Variants in ANO4 observed in about 807,000 individuals in gnomAD.
ANO4 encodes the protein anoctamin 4.
ANO4 carries 69 observed loss-of-function variants against 141.9 expected under a neutral mutation model. The ratio of observed to expected loss-of-function variants is 0.49; its 90% CI spans 0.40 to 0.59. The LOEUF (loss-of-function observed/expected upper bound fraction) is 0.59. Among genes scored for constraint, ANO4 ranks in the 20% least tolerant of loss-of-function variants. The pLI is 0.00. For synonymous variants in ANO4, 350 were observed against 394.3 expected, an observed-to-expected ratio of 0.89 and a Z score of 1.33; for missense variants, 894 against 1,162.2, an observed-to-expected ratio of 0.77 and a Z score of 3.36.
At chr12:100,951,766 G>C (rs937281985) in intron 5 of ANO4, among the ~76,000 whole-genome samples, 8 of 152,180 alleles carry the variant, frequency 5.3e-5, no homozygotes, top group African/African-American at 1.9e-4. Context: ...GTGGATAGCT[G>C]ATTTTCACAG....
chr12:100,982,628 G>A (rs546996357), intron 7 of ANO4, among the ~76,000 whole-genome samples: 2 of 152,298 alleles, frequency 1.3e-5, no homozygotes, highest in East Asian at 3.9e-4. Context: ...GTAAGCACTT[G>A]ATATCCATGA....
intron 8 of ANO4, among the ~76,000 whole-genome samples, chr12:101,012,246 G>T (rs1325530641): frequency 2.0e-5 from 3 of 152,100 alleles, no homozygotes; most frequent in Non-Finnish European, 4.4e-5. Flanking sequence ...CAGTCTGTAG[G>T]GGGAGAGGGG....
At chr12:100,773,778 A>C (rs572576386) in intron 3 of ANO4, among the ~76,000 whole-genome samples, 1 of 152,350 alleles carries the variant, frequency 6.6e-6, no homozygotes, top group Non-Finnish European at 1.5e-5. Flanking sequence ...TGTACACTAT[A>C]ATGAATGATT....
In ANO4 at chr12:100,745,879, A is replaced by G. The variant is rs149149961; in HGVS notation, c.358+5774A>G. 1.3e-3 allele frequency among the ~76,000 whole-genome samples: 197 copies of G among 152,354 alleles called. 3 individuals are homozygous for G. Among genetic ancestry groups the G allele is most frequent in the Middle Eastern group, 6.8e-3 (2 of 294 alleles). On this transcript the variant is annotated intron_variant, in intron 3 of 29. Transcript: ENST00000644049. The stretch of plus-strand genomic sequence containing the variant: ...TGTAAATGTATGGTGAGTCAGCAAA[A>G]ATCAGAAACATCTTAGAAATAACCT...
chr12:100,972,682 T>C (rs956136219), intron 6 of ANO4, among the ~76,000 whole-genome samples: 7 of 152,150 alleles, frequency 4.6e-5, no homozygotes, highest in Middle Eastern at 6.3e-3. Context: ...ATCAATGATA[T>C]AATAAGTGTC....
At chr12:101,105,660 A>G (rs1272540934) in intron 22 of ANO4, among the ~76,000 whole-genome samples, 1 of 152,256 alleles carries the variant, frequency 6.6e-6, no homozygotes, top group Admixed American at 6.5e-5. Context: ...AATTGGGTTT[A>G]GCACACAGAG....
Position 101,016,703 on chromosome 12 carries a change from G to A in ANO4, c.735-3331G>A, listed in dbSNP as rs375307025. 3.0e-4 allele frequency among the ~76,000 whole-genome samples: 45 copies of A among 152,322 alleles called. No homozygotes were observed. In the South Asian group the frequency reaches 9.1e-3, roughly 31 times the overall value. On this transcript the variant is annotated intron_variant, in intron 8 of 27. Transcript: ENST00000392977. ...GCCCTCAAGAAGCTCACCCAAGGAA[G>A]TGGGCCATGTGGGCGGACAGCTTTC...
At chr12:100,981,458 GGAAGA>G (rs1009369934) in intron 7 of ANO4, among the ~76,000 whole-genome samples, 2 of 149,370 alleles carry the variant, frequency 1.3e-5, no homozygotes, top group Non-Finnish European at 3.0e-5. Flanking sequence ...AAGGAAGGAA[GGAAGA>G]AAGGAAGGGA....
chr12:100,832,642 C>A (rs1000536342), intron 1 of ANO4, among the ~76,000 whole-genome samples: 1 of 152,022 alleles, frequency 6.6e-6, no homozygotes, highest in Non-Finnish European at 1.5e-5. Context: ...GCTAATAGTT[C>A]TTTTCTTTGC....
Position 100,926,517 on chromosome 12 carries a change from G to A in ANO4, c.160+4187G>A, listed in dbSNP as rs190610818. ...AAAAATGAAAACGTTTTCAGATCAC[G>A]TCTTGTTTTGGTGTTCAACAGGAAA... is the stretch of plus-strand genomic sequence containing the variant. On this transcript the variant is annotated intron_variant, in intron 3 of 27. Transcript: ENST00000392977. Among the ~76,000 whole-genome samples, 12 of 152,138 alleles carry A rather than the reference G, an allele frequency of 7.9e-5. No individual in the cohort carries two copies. The East Asian group carries it at 2.3e-3, about 29-fold the overall frequency.
chr12:100,855,031 C>T (rs944880869), intron 1 of ANO4, among the ~76,000 whole-genome samples: 2 of 152,050 alleles, frequency 1.3e-5, no homozygotes, highest in Non-Finnish European at 2.9e-5. Context: ...ATGGCCCAAA[C>T]CCCTAAGTTC....
chr12:101,040,097 A>G, intron 11 of ANO4, 21 bp downstream of exon 11: 1 of 1,596,588 alleles, frequency 6.3e-7, no homozygotes, highest in Non-Finnish European at 8.6e-7. Context: ...AATCAGCTGC[A>G]AATATAAAGC....
chr12:100,806,532 T>TTTGTTTC (rs1258688498), intron 1 of ANO4, among the ~76,000 whole-genome samples: 51 of 34,554 alleles, frequency 1.5e-3, no homozygotes, highest in African/African-American at 8.0e-3. Context: ...TCGTTTTTTT[T>TTTGTTTC]TTTTTTTTTT....
At chr12:100,918,149 A>G (rs1436493266) in intron 2 of ANO4, among the ~76,000 whole-genome samples, 1 of 152,162 alleles carries the variant, frequency 6.6e-6, no homozygotes, top group Non-Finnish European at 1.5e-5. Flanking sequence ...AAACATGGAA[A>G]TACCCTTTCT....
chr12:101,115,415 T>G (rs1217681386), intron 24 of ANO4, among the ~76,000 whole-genome samples: 1 of 151,748 alleles, frequency 6.6e-6, no homozygotes. Context: ...ATCATACCAC[T>G]GCACTCCAGC....
chr12:100,986,099 T>C (rs188969195), intron 7 of ANO4, among the ~76,000 whole-genome samples: 30 of 152,300 alleles, frequency 2.0e-4, no homozygotes, highest in Non-Finnish European at 3.1e-4. Flanking sequence ...AATTTGCTGC[T>C]GCTTGAGCTG....
intron 14 of ANO4, among the ~76,000 whole-genome samples, chr12:101,065,615 C>A (rs1018154777): frequency 6.6e-6 from 1 of 152,124 alleles, no homozygotes; most frequent in Non-Finnish European, 1.5e-5. Context: ...AGAAGCCATA[C>A]TGAAAAGTCT....
chr12:100,900,193 C>G (rs1005478142), intron 1 of ANO4, among the ~76,000 whole-genome samples: 8 of 151,844 alleles, frequency 5.3e-5, no homozygotes, highest in African/African-American at 1.9e-4. Flanking sequence ...TACTTCCAGC[C>G]TTTCTCTCTC....
chr12:100,919,736 GTATCTATCTATCTATC>G lies in ANO4; in HGVS notation c.56-2459_56-2444del, dbSNP rs371838179. ...TGTATGTATGTATGTGTGTATGTAT[GTATCTATCTATCTATC>G]TATCTATCTATCTATCTATCTATCT... On this transcript the variant is annotated intron_variant, in intron 2 of 27. Coordinates refer to ENST00000392977, the MANE Select transcript of ANO4 (RefSeq NM_001286615.2). 7.2e-3 allele frequency among the ~76,000 whole-genome samples: 965 copies of G among 133,110 alleles called. 10 individuals carry two copies. Among genetic ancestry groups the G allele is most frequent in the African/African-American group, 0.026 (918 of 35,154 alleles). The allele number at this position is 133,110 out of a possible 152,430, so 87.3% of individuals were successfully genotyped here.
Sources: gnomAD v4.1 joint callset for allele counts (sites outside exome capture counted in the v4.1 genomes callset) on GRCh38, gnomAD v4.1.1 for gene constraint, MANE v1.5 for transcripts, NCBI Gene and HGNC (gene_info 2026-07-23, HGNC 2026-07-21) for gene names.